Variants in NOTCH2 observed in about 807,000 individuals in gnomAD.
The protein encoded by NOTCH2 is notch receptor 2.
Under a neutral mutation model 235.8 loss-of-function variants are expected in NOTCH2, and 29 were observed. The ratio of observed to expected loss-of-function variants is 0.12; its 90% confidence interval spans 0.09 to 0.17. NOTCH2 has a LOEUF of 0.17. Among genes scored for constraint, NOTCH2 ranks in the 10% least tolerant of loss-of-function variants. The probability of loss-of-function intolerance (pLI) is 1.00; values close to 1 mark genes in which losing one functional copy is unlikely to be tolerated. For synonymous variants in NOTCH2, 1,086 were observed against 1,141.5 expected, an observed-to-expected ratio of 0.95 and a Z score of 0.98; for missense variants, 2,285 against 3,150.2, an observed-to-expected ratio of 0.73 and a Z score of 6.57.
intron 23 of NOTCH2, among the ~76,000 whole-genome samples, chr1:119,927,525 AT>A (rs60090468): frequency 0.21 from 30,795 of 147,884 alleles, 4,898 homozygotes; most frequent in African/African-American, 0.45. Context: ...TATTCAAGGG[AT>A]TTTTTTTTTT....
chr1:120,055,962 A>G (rs1655122984), intron 1 of NOTCH2, among the ~76,000 whole-genome samples: 1 of 125,850 alleles, frequency 7.9e-6, no homozygotes. Flanking sequence ...GAAATTTTAA[A>G]TATAGCCACA....
Position 119,925,510 on chromosome 1 carries a change from C to T in NOTCH2, c.4306G>A (p.Asp1436Asn). The change falls in exon 25 of 34, where the codon GAT becomes AAT. Residue 1436 changes from aspartate (D) to asparagine (N), a missense_variant. Transcript: ENST00000256646. ...LSQYCADKARDGVCDEACNSH... is the reference protein window; with the variant it reads ...LSQYCADKARNGVCDEACNSH... ...TTGCAGGCCTCATCACAGACGCCAT[C>T]CCGAGCTTTGTCGGCACAATACTGG... is the stretch of plus-strand genomic sequence containing the variant. 2 of 1,614,180 alleles carry T rather than the reference C, an allele frequency of 1.2e-6. No individual in the cohort carries two copies. Among genetic ancestry groups the T allele is most frequent in the Non-Finnish European group, 1.7e-6 (2 of 1,180,040 alleles).
chr1:119,972,492 C>T (rs1247673068), intron 5 of NOTCH2, among the ~76,000 whole-genome samples: 1 of 152,140 alleles, frequency 6.6e-6, no homozygotes, highest in Non-Finnish European at 1.5e-5. Flanking sequence ...TTTATTGAGG[C>T]TTTGTGATAA....
At chr1:120,006,258 T>G (rs1180559873) in intron 2 of NOTCH2, among the ~76,000 whole-genome samples, 2 of 152,166 alleles carry the variant, frequency 1.3e-5, no homozygotes, top group Admixed American at 1.3e-4. Context: ...TCTGTTAATA[T>G]TTAAGTAGTA....
intron 11 of NOTCH2, among the ~76,000 whole-genome samples, chr1:119,961,578 G>C (rs868974788): frequency 1.8e-4 from 27 of 152,188 alleles, no homozygotes; most frequent in African/African-American, 6.0e-4. Flanking sequence ...GAATCTATAA[G>C]AGGCTCTGGG....
Position 119,916,544 on chromosome 1 carries a change from G to T in NOTCH2, c.6178C>A (p.Arg2060Ser). Residue 2060 changes from arginine (R) to serine (S), a missense_variant, in exon 34 of 34, where the codon CGC (arginine) becomes AGC (serine). Arg to Ser is a moderately radical substitution (Grantham distance 110). Around this residue, in one of 6 missense-constraint regions of NOTCH2, gnomAD observed 504 missense variants for 538.0 expected, o/e 0.94. Coordinates refer to ENST00000256646, the MANE Select transcript of NOTCH2 (RefSeq NM_024408.4). Reference sequence around the variant, plus strand: ...GTCACATTGTATTCATCCAGAAGGCGCACAATGTCATGGTGCATGCGATCC... The same window carrying T: ...GTCACATTGTATTCATCCAGAAGGCTCACAATGTCATGGTGCATGCGATCC... The part of the protein sequence containing the change: ...ARDRMHHDIV[R>S]LLDEYNVTPS... The T allele has an allele frequency of 6.2e-7, 1 of 1,613,888 alleles. No individual in the cohort carries two copies. Among genetic ancestry groups the T allele is most frequent in the Non-Finnish European group, 8.5e-7 (1 of 1,179,768 alleles).
intron 2 of NOTCH2, among the ~76,000 whole-genome samples, chr1:120,029,424 C>A (rs1371634160): frequency 2.0e-5 from 3 of 151,828 alleles, no homozygotes; most frequent in African/African-American, 7.3e-5. Flanking sequence ...GGTGTCAGCT[C>A]ACTGCAACCT....
At chr1:119,947,944 T>C (rs1453964095) in intron 17 of NOTCH2, among the ~76,000 whole-genome samples, 1 of 152,162 alleles carries the variant, frequency 6.6e-6, no homozygotes, top group Non-Finnish European at 1.5e-5. Flanking sequence ...ACTAATAATC[T>C]ATAGTGACAG....
At chr1:120,065,544 C>G (rs1396110504) in intron 1 of NOTCH2, among the ~76,000 whole-genome samples, 1 of 152,162 alleles carries the variant, frequency 6.6e-6, no homozygotes, top group Non-Finnish European at 1.5e-5. Context: ...GAATTCTAGT[C>G]TCAACTCTAA....
intron 8 of NOTCH2, among the ~76,000 whole-genome samples, chr1:119,967,065 T>A (rs1651168230): frequency 6.6e-6 from 1 of 152,204 alleles, no homozygotes. Context: ...CCTATATAAT[T>A]GTGGATAAAA....
chr1:119,927,876 C>T (rs1056727197), intron 23 of NOTCH2, among the ~76,000 whole-genome samples: 2 of 152,086 alleles, frequency 1.3e-5, no homozygotes, highest in African/African-American at 4.8e-5. Flanking sequence ...CCATTCTTTA[C>T]AAAATTCCAA....
At chr1:119,921,973 C>T (rs1294019846) in intron 28 of NOTCH2, among the ~76,000 whole-genome samples, 164 bp from the exon 29 acceptor site, 4 of 152,148 alleles carry the variant, frequency 2.6e-5, no homozygotes, top group South Asian at 2.1e-4. Context: ...CCTTGGCATT[C>T]ATCCTTTCCC....
intron 11 of NOTCH2, among the ~76,000 whole-genome samples, chr1:119,961,876 T>A (rs1650951697): frequency 6.6e-6 from 1 of 152,160 alleles, no homozygotes; most frequent in Non-Finnish European, 1.5e-5. Context: ...TTAGGCCATA[T>A]AAGTGGAACA....
chr1:120,069,223 G>T (rs1553217827), intron 1 of NOTCH2, 111 bp downstream of exon 1: 1 of 1,526,836 alleles, frequency 6.5e-7, no homozygotes, highest in East Asian at 2.5e-5. Context: ...CTCGCTCCGC[G>T]CCGGCGGCCG....
Position 119,921,819 on chromosome 1 carries a change from T to A in NOTCH2, c.5214-10A>T. On this transcript the variant is annotated splice_polypyrimidine_tract_variant and intron_variant, in intron 28 of 33. Coordinates refer to ENST00000256646, the MANE Select transcript of NOTCH2 (RefSeq NM_024408.4). ...TTGCACTGAGAGATTTCTAATATGA[T>A]TATAAAAAGAAAAAATAAGAATGGC... The A allele has an allele frequency of 6.2e-7, 1 of 1,603,830 alleles. No homozygotes were observed.
At chr1:120,028,360 T>C (rs1653952091) in intron 2 of NOTCH2, among the ~76,000 whole-genome samples, 1 of 146,680 alleles carries the variant, frequency 6.8e-6, no homozygotes, top group Non-Finnish European at 1.5e-5. Context: ...AAACAAGATT[T>C]CAGTGGCCTA....
Position 119,956,896 on chromosome 1 carries a change from G to A in NOTCH2, c.2027-1664C>T, listed in dbSNP as rs782426907. 1.2e-4 allele frequency among the ~76,000 whole-genome samples: 18 copies of A among 152,274 alleles called. 1 individual carries two copies. Among genetic ancestry groups the A allele is most frequent in the Admixed American group, 3.3e-4 (5 of 15,280 alleles). On this transcript the variant is annotated intron_variant, in intron 12 of 33. Transcript: ENST00000256646. ...ATCAGGAAGGTCCTACCCTCAAGGA[G>A]TTTCCACTGAGCATGAGGAAAGTCC...
At chr1:119,960,741 A>G (rs1650905401) in intron 11 of NOTCH2, among the ~76,000 whole-genome samples, 1 of 152,030 alleles carries the variant, frequency 6.6e-6, no homozygotes, top group South Asian at 2.1e-4. Flanking sequence ...TGACACGAGC[A>G]CAGCTCCCTG....
At chr1:119,941,891 C>T in intron 17 of NOTCH2, 137 bp from the exon 18 acceptor site, 2 of 703,368 alleles carry the variant, frequency 2.8e-6, no homozygotes, top group East Asian at 5.5e-5. Flanking sequence ...TGCCAACTCC[C>T]TCATTTATGA....
Sources: allele counts gnomAD v4.1 joint callset (sites outside exome capture counted in the v4.1 genomes callset), GRCh38; gene constraint gnomAD v4.1.1; regional missense constraint gnomAD v4.1.1; transcripts MANE v1.5; gene names NCBI Gene and HGNC (gene_info 2026-07-23, HGNC 2026-07-21).